The following CERS4 variants were observed in gnomAD, a reference collection of about 807,000 sequenced individuals.
CERS4 encodes the protein LAG1 homolog, ceramide synthase 4.
CERS4 carries 65 observed loss-of-function variants against 51.8 expected under a neutral mutation model. That is an observed-to-expected ratio of 1.26 (90% CI 1.03 to 1.54). The LOEUF is 1.54. Among genes scored for constraint, CERS4 ranks in the 40% most tolerant of loss-of-function variants. CERS4 has a pLI of 0.00. For synonymous variants in CERS4, 228 were observed against 208.4 expected (o/e 1.09, Z -0.81); for missense variants, 563 against 500.4 (o/e 1.13, Z -1.19).
At chr19:8,247,121 G>A (rs903109918) in intron 2 of CERS4, among the ~76,000 whole-genome samples, 6 of 152,192 alleles carry the variant, frequency 3.9e-5, no homozygotes, top group East Asian at 1.9e-4. Flanking sequence ...AGCTGAGATC[G>A]TGCCACGGTA....
intron 2 of CERS4, among the ~76,000 whole-genome samples, chr19:8,236,580 G>T (rs1351837204): frequency 6.6e-6 from 1 of 151,418 alleles, no homozygotes; most frequent in African/African-American, 2.4e-5. Flanking sequence ...TTGGGATGCT[G>T]AGGTGGGAGG....
intron 2 of CERS4, among the ~76,000 whole-genome samples, chr19:8,234,386 C>T (rs10417444): frequency 1.3e-5 from 2 of 151,704 alleles, no homozygotes; most frequent in South Asian, 2.1e-4. Flanking sequence ...CAGCCTCCAA[C>T]GCCTGGGCTC....
intron 2 of CERS4, among the ~76,000 whole-genome samples, chr19:8,237,646 T>A (rs192792730): frequency 2.6e-5 from 4 of 151,972 alleles, no homozygotes; most frequent in Non-Finnish European, 5.9e-5. Context: ...GTCAGGAGAT[T>A]GAGACCATCC....
In CERS4 at chr19:8,262,180, G is replaced by A. The variant is rs1365902867; in HGVS notation, c.*71G>A. 7.3e-7 allele frequency: 1 copy of A among 1,371,806 alleles called. No individual in the cohort carries two copies. The highest frequency in any genetic ancestry group is 3.4e-5 in the Admixed American group (1 of 29,446). The allele number at this position is 1,371,806 out of a possible 1,614,324, so 85.0% of individuals were successfully genotyped here. The stretch of plus-strand genomic sequence containing the variant: ...GGATATTTCTGGGGTGACTGGACTG[G>A]CGCCCCTGGGCCACCTTTCTGGAGA... On this transcript the variant is annotated 3_prime_UTR_variant, in exon 12 of 12. Transcript: ENST00000251363.
chr19:8,256,976 T>C lies in CERS4; in HGVS notation c.640T>C (p.Phe214Leu), dbSNP rs781034356. ...TTTCAAGGAGCAGGTGATACACCACTTCGTGGCGGTCATCCTGATGACCTT... is the reference window on the plus strand; with the variant it reads ...TTTCAAGGAGCAGGTGATACACCACCTCGTGGCGGTCATCCTGATGACCTT... ...KDFKEQVIHHFVAVILMTFSY... is the reference protein window; with the variant it reads ...KDFKEQVIHHLVAVILMTFSY... The change falls in exon 9 of 12, where the codon TTC becomes CTC. Residue 214 changes from phenylalanine (F) to leucine (L), a missense_variant. Coordinates refer to ENST00000251363, the MANE Select transcript of CERS4 (RefSeq NM_024552.3). 1.2e-6 allele frequency: 2 copies of C among 1,614,122 alleles called. No homozygotes were observed. Among genetic ancestry groups the C allele is most frequent in the South Asian group, 2.2e-5 (2 of 91,090 alleles).
chr19:8,223,414 C>T (rs2336169), intron 2 of CERS4, among the ~76,000 whole-genome samples: 122,254 of 151,710 alleles, frequency 0.81, 49,625 homozygotes, highest in African/African-American at 0.91. Flanking sequence ...GCTCAGGAGT[C>T]CAAGACCAGC....
chr19:8,249,677 C>T (rs534743689), intron 2 of CERS4, among the ~76,000 whole-genome samples: 19 of 144,580 alleles, frequency 1.3e-4, no homozygotes, highest in East Asian at 8.3e-4. Context: ...CTGCAACCTC[C>T]GCCTCCCGGG....
At chr19:8,247,732 C>CTTT (rs370855290) in intron 2 of CERS4, among the ~76,000 whole-genome samples, 3,355 of 131,008 alleles carry the variant, frequency 0.026, 105 homozygotes, top group African/African-American at 0.047. Context: ...ACCTCCGCAT[C>CTTT]TTTTTTTTTT....
chr19:8,243,947 G>A (rs1968648643), intron 2 of CERS4, among the ~76,000 whole-genome samples: 1 of 152,214 alleles, frequency 6.6e-6, no homozygotes. Flanking sequence ...CTGGAAGGCT[G>A]ACAGCTTCAG....
intron 2 of CERS4, among the ~76,000 whole-genome samples, chr19:8,213,942 C>T (rs991139953): frequency 2.6e-5 from 4 of 151,928 alleles, no homozygotes; most frequent in African/African-American, 9.7e-5. Context: ...CTACTGCACT[C>T]CAGCCTGGGT....
rs1969036790 is a variant in CERS4, at chr19:8,250,779, T to C, written c.-1-297T>C. ...CTACTACTCTGTTTTACAGATGAAC[T>C]TGAGGTTCAGAGAGGTCAAGTCATT... On this transcript the variant is annotated intron_variant, in intron 2 of 11. Coordinates refer to ENST00000251363, the MANE Select transcript of CERS4 (RefSeq NM_024552.3). 3 of 1,118,512 alleles carry C rather than the reference T, an allele frequency of 2.7e-6. No homozygotes were observed. The South Asian group carries it at 1.1e-4, about 42-fold the overall frequency. The allele number at this position is 1,118,512 out of a possible 1,614,324, so 69.3% of individuals were successfully genotyped here.
intron 2 of CERS4, among the ~76,000 whole-genome samples, chr19:8,231,668 C>T (rs1450846465): frequency 6.6e-6 from 1 of 151,772 alleles, no homozygotes; most frequent in East Asian, 1.9e-4. Flanking sequence ...CCTGCCTCAG[C>T]CTCCCGAGTA....
At chr19:8,258,659 A>G (rs1391679745) in intron 10 of CERS4, among the ~76,000 whole-genome samples, 1 of 152,142 alleles carries the variant, frequency 6.6e-6, no homozygotes, top group African/African-American at 2.4e-5. Context: ...CCTGGCCAAC[A>G]TGGTGAAACC....
At chr19:8,244,112 G>A (rs1968654283) in intron 2 of CERS4, among the ~76,000 whole-genome samples, 1 of 152,238 alleles carries the variant, frequency 6.6e-6, no homozygotes, top group South Asian at 2.1e-4. Context: ...CAAGGTGGGA[G>A]AAAGACCCAA....
rs1968736148 is a variant in CERS4, at chr19:8,245,425, A to AT, written c.-1-5645dup. ...GCCACCTTGCCCGGCTAATTTTTGT[A>AT]TTTTTTGTAGAGACAGTTTCGCTAT... On this transcript the variant is annotated intron_variant, in intron 2 of 11. Transcript: ENST00000251363. Among the ~76,000 whole-genome samples the AT allele has an allele frequency of 2.0e-5, 3 of 150,032 alleles. No homozygotes were observed. The South Asian group carries it at 6.3e-4, about 32-fold the overall frequency.
chr19:8,250,131 C>T (rs768618035), intron 2 of CERS4, among the ~76,000 whole-genome samples: 7 of 151,754 alleles, frequency 4.6e-5, no homozygotes, highest in African/African-American at 1.7e-4. Context: ...CCTGCCACCA[C>T]GCCCGGCTAA....
intron 2 of CERS4, among the ~76,000 whole-genome samples, chr19:8,245,126 A>ACAAAAACAAAC (rs1555777241): frequency 6.8e-6 from 1 of 148,130 alleles, no homozygotes; most frequent in Non-Finnish European, 1.5e-5. Context: ...AAAAAAAAAA[A>ACAAAAACAAAC]AAAAAAAAAC....
chr19:8,253,810 G>C (rs891916414), intron 3 of CERS4, among the ~76,000 whole-genome samples: 1 of 151,888 alleles, frequency 6.6e-6, no homozygotes, highest in Non-Finnish European at 1.5e-5. Flanking sequence ...GGCTGGTCTC[G>C]AACTTCTGAC....
chr19:8,255,896 A>G lies in CERS4; in HGVS notation c.468+17A>G. The G allele has an allele frequency of 4.3e-6, 7 of 1,613,318 alleles. No individual in the cohort carries two copies. Among genetic ancestry groups the G allele is most frequent in the Non-Finnish European group, 5.9e-6 (7 of 1,179,732 alleles). On this transcript the variant is annotated intron_variant, in intron 6 of 11. Coordinates refer to ENST00000251363, the MANE Select transcript of CERS4 (RefSeq NM_024552.3). ...CTGTACCACGTGAGTATACCAGAGT[A>G]TAGCTGACTGCTCACCTGCCCCATC...
Sources: allele counts gnomAD v4.1 joint callset (sites outside exome capture counted in the v4.1 genomes callset), GRCh38; gene constraint gnomAD v4.1.1; transcripts MANE v1.5; gene names NCBI Gene and HGNC (gene_info 2026-07-23, HGNC 2026-07-21).